SMARCA2: variants seen among roughly 807,000 people sequenced by gnomAD.
SMARCA2 encodes the protein SWI/SNF-related matrix-associated actin-dependent regulator of chromatin subfamily A member 2.
SMARCA2 carries 61 observed loss-of-function variants against 199.8 expected under a neutral mutation model. The ratio of observed to expected loss-of-function variants is 0.31; its 90% CI spans 0.25 to 0.38. SMARCA2 has a LOEUF of 0.38. Ranked by LOEUF, SMARCA2 falls within the 10% of genes least tolerant of loss-of-function variation. SMARCA2 has a pLI of 1.00. For synonymous variants in SMARCA2, 935 were observed against 732.0 expected (o/e 1.28, Z -4.48); for missense variants, 1,344 against 2,012.2 (o/e 0.67, Z 6.35).
intron 1 of SMARCA2, among the ~76,000 whole-genome samples, chr9:2,026,898 T>C (rs1006036327): frequency 1.3e-5 from 2 of 152,158 alleles, no homozygotes; most frequent in Admixed American, 1.3e-4. Context: ...AATAATAACA[T>C]TGGGCTCTCT....
At chr9:2,113,385 C>T (rs1823088096) in intron 24 of SMARCA2, among the ~76,000 whole-genome samples, 1 of 152,154 alleles carries the variant, frequency 6.6e-6, no homozygotes, top group Non-Finnish European at 1.5e-5. Context: ...AATGGTCGAC[C>T]ACATTTAGCT....
chr9:2,151,778 A>T (rs1455273485), intron 27 of SMARCA2, among the ~76,000 whole-genome samples: 1 of 151,580 alleles, frequency 6.6e-6, no homozygotes, highest in Non-Finnish European at 1.5e-5. Context: ...ACCACACTGA[A>T]AATGTCCAAT....
chr9:2,050,775 A>G (rs1418677585), intron 5 of SMARCA2, among the ~76,000 whole-genome samples: 1 of 152,198 alleles, frequency 6.6e-6, no homozygotes, highest in Non-Finnish European at 1.5e-5. Flanking sequence ...AAGGAACAAA[A>G]TGTACCAGTG....
At chr9:2,187,192 A>T (rs7041984) in intron 32 of SMARCA2, among the ~76,000 whole-genome samples, 17,108 of 151,718 alleles carry the variant, frequency 0.11, 1,012 homozygotes, top group East Asian at 0.16. Context: ...TTTGTTTATC[A>T]TGGATTTGGG....
At chr9:2,096,847 C>G in intron 20 of SMARCA2, 83 bp downstream of exon 20, 1 of 848,522 alleles carries the variant, frequency 1.2e-6, no homozygotes, top group Non-Finnish European at 2.1e-6. Flanking sequence ...CAGGAAGCAT[C>G]CCTGCTAATG....
intron 29 of SMARCA2, among the ~76,000 whole-genome samples, chr9:2,180,494 C>G (rs1826948242): frequency 6.6e-6 from 1 of 152,184 alleles, no homozygotes; most frequent in Non-Finnish European, 1.5e-5. Flanking sequence ...TTCTAGTATT[C>G]TCACAAGCTC....
intron 27 of SMARCA2, among the ~76,000 whole-genome samples, chr9:2,153,773 C>T (rs910459113): frequency 2.0e-5 from 3 of 151,926 alleles, no homozygotes; most frequent in Non-Finnish European, 2.9e-5. Context: ...TTTGAACTTG[C>T]ATGGTTACTT....
intron 27 of SMARCA2, among the ~76,000 whole-genome samples, chr9:2,137,007 CT>C (rs1475411680): frequency 6.6e-6 from 1 of 152,188 alleles, no homozygotes; most frequent in Admixed American, 6.5e-5. Flanking sequence ...CAGCAGGCAA[CT>C]GGGTTTATCT....
chr9:2,174,599 G>C (rs903750656), intron 29 of SMARCA2, among the ~76,000 whole-genome samples: 3 of 152,100 alleles, frequency 2.0e-5, no homozygotes, highest in African/African-American at 7.2e-5. Context: ...TCAGCCAAAA[G>C]CTTTGAAGCA....
intron 29 of SMARCA2, among the ~76,000 whole-genome samples, chr9:2,179,080 G>GA (rs1294161472): frequency 5.3e-5 from 8 of 152,194 alleles, no homozygotes; most frequent in Non-Finnish European, 7.3e-5. Context: ...TTGGAGAGGA[G>GA]AAAAAACCAC....
intron 30 of SMARCA2, among the ~76,000 whole-genome samples, 174 bp downstream of exon 30, chr9:2,181,850 C>T (rs1050427303): frequency 2.0e-5 from 3 of 152,190 alleles, no homozygotes; most frequent in African/African-American, 7.2e-5. Context: ...ATGTTGAGAG[C>T]TCACGTTATA....
chr9:2,168,542 T>C (rs1481623340), intron 28 of SMARCA2, among the ~76,000 whole-genome samples: 1 of 152,190 alleles, frequency 6.6e-6, no homozygotes, highest in Non-Finnish European at 1.5e-5. Flanking sequence ...TTCCTCTGTC[T>C]CGGAAGTTCT....
At chr9:2,137,965 T>C (rs1824282021) in intron 27 of SMARCA2, among the ~76,000 whole-genome samples, 1 of 152,202 alleles carries the variant, frequency 6.6e-6, no homozygotes, top group South Asian at 2.1e-4. Context: ...TTAAAATAAT[T>C]CTAAAGGCAC....
chr9:2,156,007 G>A (rs1207968842), intron 27 of SMARCA2, among the ~76,000 whole-genome samples: 3 of 152,104 alleles, frequency 2.0e-5, no homozygotes, highest in Non-Finnish European at 4.4e-5. Flanking sequence ...ATCCAAAAAA[G>A]TCCTTACCCT....
At chr9:2,140,826 G>A (rs1289718337) in intron 27 of SMARCA2, among the ~76,000 whole-genome samples, 4 of 152,190 alleles carry the variant, frequency 2.6e-5, no homozygotes, top group South Asian at 4.2e-4. Context: ...TGCACACCGA[G>A]CCCCTGCCCG....
intron 30 of SMARCA2, 131 bp downstream of exon 30, chr9:2,181,807 G>A: frequency 1.6e-6 from 1 of 632,894 alleles, no homozygotes; most frequent in South Asian, 1.9e-5. Context: ...AGGTTGGGAT[G>A]TCCTTGTGCT....
chr9:2,065,054 A>G (rs577264887), intron 9 of SMARCA2, among the ~76,000 whole-genome samples: 137 of 152,282 alleles, frequency 9.0e-4, no homozygotes, highest in South Asian at 8.3e-3. Context: ...GCGTGGTGGC[A>G]GGCACCTGTA....
At position 2,186,245 on chromosome 9, in the gene SMARCA2, G is replaced by C. The variant is rs746116473; in HGVS notation, c.4594+17G>C. On this transcript the variant is annotated intron_variant, in intron 32 of 33. Transcript: ENST00000349721. ...AGTCCGAGGGTAAGCCCAGACATTC[G>C]GGTCCTGTACATCTTTGCCCCTCCT... 1 of 1,608,608 alleles carries C rather than the reference G, an allele frequency of 6.2e-7. No homozygotes were observed. Among genetic ancestry groups the C allele is most frequent in the Non-Finnish European group, 8.5e-7 (1 of 1,176,760 alleles).
At chr9:2,015,443 C>G (rs1818312140) in intron 1 of SMARCA2, 39 bp downstream of exon 1, 1 of 153,158 alleles carries the variant, frequency 6.5e-6, no homozygotes, top group African/African-American at 2.4e-5. Flanking sequence ...TCTTTCCCCT[C>G]CCTTCGGCCG....
Sources: allele counts gnomAD v4.1 joint callset (sites outside exome capture counted in the v4.1 genomes callset), GRCh38; gene constraint gnomAD v4.1.1; transcripts MANE v1.5; gene names NCBI Gene and HGNC (gene_info 2026-07-23, HGNC 2026-07-21).